Variants in HMCES observed in about 807,000 individuals in gnomAD.
HMCES encodes 5-hydroxymethylcytosine binding, ES cell specific.
A neutral mutation model predicts 35.1 loss-of-function variants in HMCES; 27 were observed. The ratio of observed to expected loss-of-function variants is 0.77; its 90% CI spans 0.57 to 1.06. The LOEUF (loss-of-function observed/expected upper bound fraction) is 1.06. Ranked by LOEUF, HMCES falls within the 50% of genes least tolerant of loss-of-function variation. The probability of loss-of-function intolerance (pLI) is 0.00; values close to 1 mark genes in which losing one functional copy is unlikely to be tolerated. For missense variants in HMCES, 391 were observed against 430.4 expected (o/e 0.91, Z 0.81); for synonymous variants, 130 against 154.7 (o/e 0.84, Z 1.18).
intron 2 of HMCES, among the ~76,000 whole-genome samples, chr3:129,282,494 T>C (rs562782805): frequency 6.6e-6 from 1 of 152,144 alleles, no homozygotes; most frequent in Non-Finnish European, 1.5e-5. Context: ...GGATGCATCC[T>C]GGAACCAGGA....
chr3:129,296,670 T>A (rs532237267), intron 4 of HMCES, among the ~76,000 whole-genome samples: 23 of 152,210 alleles, frequency 1.5e-4, no homozygotes, highest in Non-Finnish European at 2.6e-4. Context: ...TGTCTGGAAA[T>A]TCTTCTATTA....
At chr3:129,282,890 A>C (rs1940536403) in intron 2 of HMCES, among the ~76,000 whole-genome samples, 1 of 152,164 alleles carries the variant, frequency 6.6e-6, no homozygotes, top group Non-Finnish European at 1.5e-5. Flanking sequence ...TGGCTTTTCA[A>C]CTACTTTCTA....
Position 129,305,016 on chromosome 3 carries a change from GGT to G in HMCES, c.*194_*195del. On this transcript the variant is annotated 3_prime_UTR_variant, in exon 7 of 7. Coordinates refer to ENST00000383463, the MANE Select transcript of HMCES (RefSeq NM_020187.3). ...GGGGCTGGTGGACAGCTTTGGAAGA[GGT>G]GTCCTGCTGCTGTTACCAGCCATGT... 1 of 595,984 alleles carries G rather than the reference GGT, an allele frequency of 1.7e-6. No homozygotes were observed. The highest frequency in any genetic ancestry group is 2.8e-5 in the East Asian group (1 of 35,890). 36.9% of individuals were successfully genotyped at this position (595,984 alleles called of 1,614,324 possible).
intron 2 of HMCES, among the ~76,000 whole-genome samples, chr3:129,281,896 C>T (rs1403982756): frequency 7.4e-6 from 1 of 134,300 alleles, no homozygotes; most frequent in Non-Finnish European, 1.5e-5. Flanking sequence ...CACTGCACTC[C>T]AGCCTGGGTG....
chr3:129,302,196 G>T, intron 6 of HMCES, 54 bp downstream of exon 6: 3 of 1,457,360 alleles, frequency 2.1e-6, no homozygotes, highest in Non-Finnish European at 2.8e-6. Context: ...TTCTGTCAGT[G>T]TTCTCTTTCT....
intron 5 of HMCES, among the ~76,000 whole-genome samples, chr3:129,301,314 A>G (rs1020330049): frequency 1.8e-4 from 28 of 152,284 alleles, no homozygotes; most frequent in African/African-American, 6.3e-4. Context: ...TTAAAAATGT[A>G]CCATTATTTT....
intron 6 of HMCES, among the ~76,000 whole-genome samples, chr3:129,303,706 AC>A (rs2071199146): frequency 6.6e-6 from 1 of 150,904 alleles, no homozygotes; most frequent in Non-Finnish European, 1.5e-5. Flanking sequence ...TTCATTTTGG[AC>A]TAGACGCTGC....
intron 2 of HMCES, among the ~76,000 whole-genome samples, chr3:129,284,496 C>T (rs1940582551): frequency 6.6e-6 from 1 of 152,188 alleles, no homozygotes; most frequent in Non-Finnish European, 1.5e-5. Context: ...TCACCAGATG[C>T]TGTTAGAAAC....
intron 3 of HMCES, among the ~76,000 whole-genome samples, chr3:129,289,223 G>T (rs1677512809): frequency 1.3e-5 from 2 of 152,232 alleles, no homozygotes; most frequent in South Asian, 4.1e-4. Flanking sequence ...TCTCTGGGTT[G>T]ACTGGGCTCA....
At chr3:129,294,015 A>ATTTGTTCCATCAACTC (rs1425348401) in intron 4 of HMCES, among the ~76,000 whole-genome samples, 4 of 152,030 alleles carry the variant, frequency 2.6e-5, no homozygotes, top group Non-Finnish European at 5.9e-5. Context: ...CTAGTTTTCT[A>ATTTGTTCCATCAACTC]TTTGTTCCAT....
chr3:129,297,061 G>T (rs764722876), intron 4 of HMCES, among the ~76,000 whole-genome samples: 1 of 152,144 alleles, frequency 6.6e-6, no homozygotes, highest in South Asian at 2.1e-4. Context: ...TTTGACACAG[G>T]CTTTCAAGTG....
intron 3 of HMCES, among the ~76,000 whole-genome samples, chr3:129,290,009 A>C (rs1424738305): frequency 6.6e-6 from 1 of 151,742 alleles, no homozygotes; most frequent in Non-Finnish European, 1.5e-5. Context: ...AACACGGTGA[A>C]ACCCCGTCTC....
intron 2 of HMCES, among the ~76,000 whole-genome samples, chr3:129,282,095 G>A (rs1576977602): frequency 6.6e-6 from 1 of 152,112 alleles, no homozygotes; most frequent in East Asian, 1.9e-4. Context: ...ACCTTGAAGG[G>A]GAAAAGAGAG....
intron 2 of HMCES, among the ~76,000 whole-genome samples, chr3:129,286,913 A>G (rs529219800): frequency 1.3e-5 from 2 of 152,268 alleles, no homozygotes; most frequent in East Asian, 3.9e-4. Context: ...CAAGGGGCCC[A>G]TTACTTAAAA....
intron 4 of HMCES, among the ~76,000 whole-genome samples, chr3:129,291,839 C>G (rs1234898273): frequency 6.6e-6 from 1 of 152,114 alleles, no homozygotes; most frequent in East Asian, 1.9e-4. Flanking sequence ...GCCTGTAATC[C>G]CAGCACTTTG....
intron 4 of HMCES, among the ~76,000 whole-genome samples, chr3:129,292,342 C>G (rs1050179190): frequency 4.6e-5 from 7 of 150,994 alleles, no homozygotes; most frequent in African/African-American, 1.7e-4. Context: ...GTGCTAGAAG[C>G]CAATACCATG....
Position 129,290,543 on chromosome 3 carries a change from C to G in HMCES, c.328-136C>G, listed in dbSNP as rs182827237. ...AAGTGATCCTCCCATCTCGGCCGCCCAAAGTGTTGGGATTACAGCCGTGAG... is the reference window on the plus strand; with the variant it reads ...AAGTGATCCTCCCATCTCGGCCGCCGAAAGTGTTGGGATTACAGCCGTGAG... On this transcript the variant is annotated intron_variant, in intron 3 of 6. Coordinates refer to ENST00000383463, the MANE Select transcript of HMCES (RefSeq NM_020187.3). 151 of 806,916 alleles carry G rather than the reference C, an allele frequency of 1.9e-4. No homozygotes were observed. The East Asian group carries it at 4.2e-3, about 22-fold the overall frequency. The allele number at this position is 806,916 out of a possible 1,614,324, so 50.0% of individuals were successfully genotyped here. A position where few individuals can be genotyped will look rare whatever the true frequency, so the allele number is the denominator to read the frequency against.
At chr3:129,288,273 T>TA (rs1940692679) in intron 2 of HMCES, among the ~76,000 whole-genome samples, 1 of 151,924 alleles carries the variant, frequency 6.6e-6, no homozygotes, top group African/African-American at 2.4e-5. Context: ...AAACTGTCTC[T>TA]AAAAAACAAA....
rs773873060 is a variant in HMCES at position 129,304,621 on chromosome 3, G to A, written c.861G>A (p.Met287Ile). The change falls in exon 7 of 7, where the codon ATG becomes ATA. Residue 287 changes from methionine (M) to isoleucine (I), a missense_variant. Transcript: ENST00000383463. ...ELRASGSSQR[M>I]LQWLATKSPK... ...GGGCAAGTGGCAGTAGCCAGAGGAT[G>A]TTGCAGTGGTTGGCCACAAAGTCAC... 1.9e-6 allele frequency: 3 copies of A among 1,614,186 alleles called. No individual in the cohort carries two copies. Among genetic ancestry groups the A allele is most frequent in the South Asian group, 2.2e-5 (2 of 91,088 alleles).
Sources: gnomAD v4.1 joint callset for allele counts (sites outside exome capture counted in the v4.1 genomes callset) on GRCh38, gnomAD v4.1.1 for gene constraint, MANE v1.5 for transcripts, NCBI Gene and HGNC (gene_info 2026-07-23, HGNC 2026-07-21) for gene names.